Variants in GAL3ST1 observed in about 807,000 individuals in gnomAD.
The protein encoded by GAL3ST1 is galactosylceramide sulfotransferase.
In GAL3ST1, 13 loss-of-function variants were observed where a neutral mutation model predicts 25.0. The ratio of observed to expected loss-of-function variants is 0.52; its 90% CI spans 0.34 to 0.83. The LOEUF (loss-of-function observed/expected upper bound fraction) is 0.83, where lower values mean the gene tolerates loss of function less well. GAL3ST1 is among the 40% of genes least tolerant of loss of function. The pLI is 0.02. For missense variants in GAL3ST1, 474 were observed against 613.6 expected (o/e 0.77, Z 2.40); for synonymous variants, 274 against 277.8 (o/e 0.99, Z 0.14).
At chr22:30,566,891 G>C (rs42936) in intron 1 of GAL3ST1, among the ~76,000 whole-genome samples, 1 of 151,536 alleles carries the variant, frequency 6.6e-6, no homozygotes, top group Non-Finnish European at 1.5e-5. Flanking sequence ...TTACAGGCGT[G>C]AGCCACCACG....
At chr22:30,560,961 T>C (rs1046057547) in intron 1 of GAL3ST1, among the ~76,000 whole-genome samples, 4 of 152,216 alleles carry the variant, frequency 2.6e-5, no homozygotes, top group Admixed American at 1.3e-4. Flanking sequence ...TTGTTTGTTT[T>C]TGAGACGGTG....
At chr22:30,560,063 G>T (rs2086301236) in intron 1 of GAL3ST1, among the ~76,000 whole-genome samples, 1 of 152,172 alleles carries the variant, frequency 6.6e-6, no homozygotes, top group Admixed American at 6.5e-5. Context: ...AGCCTGGGGG[G>T]CAGAGGTTGG....
intron 1 of GAL3ST1, among the ~76,000 whole-genome samples, chr22:30,567,843 C>G (rs777663724): frequency 6.6e-6 from 1 of 151,966 alleles, no homozygotes; most frequent in Non-Finnish European, 1.5e-5. Flanking sequence ...GCCACCACAC[C>G]CAGCTAATTT....
At position 30,568,354 on chromosome 22, in the gene GAL3ST1, G is replaced by A. The variant is rs1452958856; in HGVS notation, c.-120+6112C>T. On this transcript the variant is annotated intron_variant, in intron 1 of 3. Coordinates refer to ENST00000406361, the MANE Select transcript of GAL3ST1 (RefSeq NM_001318104.2). ...TGCAGTTCAGTGTCCTCACATAACTGGGTCCTGGCCAATGATATGTGAACA... is the reference window on the plus strand; with the variant it reads ...TGCAGTTCAGTGTCCTCACATAACTAGGTCCTGGCCAATGATATGTGAACA... Among the ~76,000 whole-genome samples the A allele has an allele frequency of 2.0e-5, 3 of 152,170 alleles. No homozygotes were observed. In the East Asian group the frequency reaches 5.8e-4, roughly 29 times the overall value.
At chr22:30,565,168 G>C (rs2086584998) in intron 1 of GAL3ST1, 1 of 152,348 alleles carries the variant, frequency 6.6e-6, no homozygotes, top group Non-Finnish European at 1.5e-5. Context: ...AGCAACCGCA[G>C]ACGCCTGCAG....
chr22:30,566,207 C>T (rs890730270), intron 1 of GAL3ST1: 14 of 152,266 alleles, frequency 9.2e-5, no homozygotes, highest in African/African-American at 3.1e-4. Flanking sequence ...TTTTATCCAG[C>T]CTAACATCCC....
intron 1 of GAL3ST1, chr22:30,565,289 T>C (rs1041331630): frequency 6.6e-6 from 1 of 152,242 alleles, no homozygotes; most frequent in Non-Finnish European, 1.5e-5. Flanking sequence ...GTCTCACAGC[T>C]GATGCATCAA....
At chr22:30,559,752 T>C (rs1452442353) in intron 1 of GAL3ST1, among the ~76,000 whole-genome samples, 1 of 152,100 alleles carries the variant, frequency 6.6e-6, no homozygotes, top group East Asian at 1.9e-4. Context: ...ACATGGACTG[T>C]AACGGGGGCA....
intron 1 of GAL3ST1, among the ~76,000 whole-genome samples, chr22:30,573,873 G>A (rs565451785): frequency 6.6e-6 from 1 of 152,198 alleles, no homozygotes; most frequent in African/African-American, 2.4e-5. Context: ...ACTGGGCTAG[G>A]AAACAGGAAC....
intron 1 of GAL3ST1, among the ~76,000 whole-genome samples, chr22:30,573,717 G>A (rs1427707793): frequency 3.3e-5 from 5 of 152,226 alleles, no homozygotes; most frequent in Admixed American, 3.3e-4. Context: ...ACAGCAGCCA[G>A]ACATGCCCAT....
intron 1 of GAL3ST1, among the ~76,000 whole-genome samples, chr22:30,571,290 C>T (rs1416121610): frequency 6.6e-6 from 1 of 152,166 alleles, no homozygotes; most frequent in African/African-American, 2.4e-5. Context: ...AAGTGACTTG[C>T]AAGCACCTAG....
chr22:30,561,288 G>T (rs1249492621), intron 1 of GAL3ST1, among the ~76,000 whole-genome samples: 14 of 152,196 alleles, frequency 9.2e-5, no homozygotes, highest in Non-Finnish European at 1.6e-4. Flanking sequence ...TGCCACACGT[G>T]CTGGGTGCTG....
chr22:30,567,678 G>A (rs1385042342), intron 1 of GAL3ST1, among the ~76,000 whole-genome samples: 1 of 151,938 alleles, frequency 6.6e-6, no homozygotes, highest in Non-Finnish European at 1.5e-5. Flanking sequence ...TTGTTTGGTT[G>A]TTTTTTGTTG....
intron 1 of GAL3ST1, among the ~76,000 whole-genome samples, chr22:30,569,551 T>C (rs1392731172): frequency 6.6e-6 from 1 of 150,724 alleles, no homozygotes. Context: ...TTTGGGATGA[T>C]CATAGAATGC....
At chr22:30,570,343 A>C (rs2086744315) in intron 1 of GAL3ST1, among the ~76,000 whole-genome samples, 1 of 152,204 alleles carries the variant, frequency 6.6e-6, no homozygotes, top group Non-Finnish European at 1.5e-5. Flanking sequence ...CTGTTCTCAG[A>C]CCCAGCAATC....
At chr22:30,570,586 C>T (rs189576877) in intron 1 of GAL3ST1, among the ~76,000 whole-genome samples, 1 of 152,234 alleles carries the variant, frequency 6.6e-6, no homozygotes, top group Non-Finnish European at 1.5e-5. Flanking sequence ...CACCTGAGGT[C>T]GGGAGTTTGA....
At chr22:30,559,417 T>A (rs1001463047) in intron 1 of GAL3ST1, among the ~76,000 whole-genome samples, 4 of 151,548 alleles carry the variant, frequency 2.6e-5, no homozygotes, top group Non-Finnish European at 5.9e-5. Flanking sequence ...ATTTTTGTAT[T>A]TTTAGTAGAG....
At chr22:30,565,883 T>C (rs564386431) in intron 1 of GAL3ST1, among the ~76,000 whole-genome samples, 8 of 152,302 alleles carry the variant, frequency 5.3e-5, no homozygotes, top group Non-Finnish European at 1.5e-5. Context: ...CACTGCTGCC[T>C]AGAACCCCAT....
At chr22:30,567,163 T>C (rs1459325540) in intron 1 of GAL3ST1, among the ~76,000 whole-genome samples, 1 of 151,664 alleles carries the variant, frequency 6.6e-6, no homozygotes, top group Non-Finnish European at 1.5e-5. Context: ...GAAAAAAAAA[T>C]TCAAACAATA....
Sources: gnomAD v4.1 joint callset for allele counts (sites outside exome capture counted in the v4.1 genomes callset) on GRCh38, gnomAD v4.1.1 for gene constraint, MANE v1.5 for transcripts, NCBI Gene and HGNC (gene_info 2026-07-23, HGNC 2026-07-21) for gene names.